RBX1: variants seen among roughly 807,000 people sequenced by gnomAD.
RBX1 encodes the protein ring-box 1.
For missense variants in RBX1, 46 were observed against 141.4 expected (o/e 0.33, Z 3.42); for synonymous variants, 48 against 47.9 (o/e 1.00, Z -0.01).
At chr22:40,954,417 C>T (rs1337621800) in intron 2 of RBX1, among the ~76,000 whole-genome samples, 1 of 152,068 alleles carries the variant, frequency 6.6e-6, no homozygotes, top group Non-Finnish European at 1.5e-5. Flanking sequence ...TAATTAATTG[C>T]ACTAAAGAAA....
intron 4 of RBX1, among the ~76,000 whole-genome samples, chr22:40,970,937 T>C (rs1025127761): frequency 6.6e-5 from 10 of 152,192 alleles, no homozygotes; most frequent in Non-Finnish European, 1.3e-4. Flanking sequence ...CAGCAAAATA[T>C]ATGCTAAGTA....
intron 3 of RBX1, chr22:40,967,123 C>A (rs2058356429): frequency 6.6e-6 from 1 of 152,194 alleles, no homozygotes; most frequent in African/African-American, 2.4e-5. Flanking sequence ...CATAAGAATA[C>A]TTCCTTTTAC....
Position 40,962,787 on chromosome 22 carries a change from G to A in RBX1, c.158-1260G>A, listed in dbSNP as rs532144914. ...GGCTCACTGCAAGCTCCGCCTCCTG[G>A]GTTCAAGCAATTCTCCTGCCTCAGC... On this transcript the variant is annotated intron_variant, in intron 2 of 4. Transcript: ENST00000216225. Among the ~76,000 whole-genome samples the A allele has an allele frequency of 2.0e-5, 3 of 151,580 alleles. No homozygotes were observed. The South Asian group carries it at 6.3e-4, about 32-fold the overall frequency.
chr22:40,957,415 G>A (rs757260150), intron 2 of RBX1, among the ~76,000 whole-genome samples: 80 of 152,020 alleles, frequency 5.3e-4, no homozygotes, highest in Admixed American at 1.4e-3. Flanking sequence ...GGTGGCTGAG[G>A]CGGGCAGATC....
rs776466696 is a variant in RBX1 at position 40,972,520 on chromosome 22, T to C, written c.*32T>C. On this transcript the variant is annotated 3_prime_UTR_variant, in exon 5 of 5. Coordinates refer to ENST00000216225, the MANE Select transcript of RBX1 (RefSeq NM_014248.4). ...ACTTCTTCCATCAAGCTTAATTGTT[T>C]TGTTATTCATTTAATGACTTTCCCT... 6.4e-6 allele frequency: 10 copies of C among 1,574,426 alleles called. No individual in the cohort carries two copies. In the East Asian group the frequency reaches 1.6e-4, roughly 25 times the overall value.
intron 4 of RBX1, among the ~76,000 whole-genome samples, chr22:40,972,193 T>A (rs760229050): frequency 5.3e-5 from 8 of 152,156 alleles, no homozygotes; most frequent in Non-Finnish European, 1.0e-4. Context: ...CTCACCTCCC[T>A]AATACCACCA....
Position 40,967,836 on chromosome 22 carries a change from A to G in RBX1, c.266A>G (p.Lys89Arg). Residue 89 changes from lysine to arginine, a missense_variant, in exon 4 of 5, where the codon AAA becomes AGA. Physicochemically the swap from Lys to Arg is conservative, Grantham distance 26. Coordinates refer to ENST00000216225, the MANE Select transcript of RBX1 (RefSeq NM_014248.4). ...TTCCACTGCATCTCTCGCTGGCTCA[A>G]AACACGACAGGTGTGTCCATTGGAC... ...FHFHCISRWL[K>R]TRQVCPLDNR... 1 of 1,614,046 alleles carries G rather than the reference A, an allele frequency of 6.2e-7. No individual in the cohort carries two copies. Among genetic ancestry groups the G allele is most frequent in the Non-Finnish European group, 8.5e-7 (1 of 1,179,922 alleles).
At position 40,972,539 on chromosome 22, in the gene RBX1, T is replaced by G. The variant is rs765220300; in HGVS notation, c.*51T>G. 3.2e-5 allele frequency: 47 copies of G among 1,474,878 alleles called. No homozygotes were observed. The Middle Eastern group carries it at 6.9e-4, about 22-fold the overall frequency. 91.4% of individuals were successfully genotyped at this position (1,474,878 alleles called of 1,614,324 possible). ...ATTGTTTTGTTATTCATTTAATGACTTTCCCTGCTGTTACCTAATTACAAA... is the reference window on the plus strand; with the variant it reads ...ATTGTTTTGTTATTCATTTAATGACGTTCCCTGCTGTTACCTAATTACAAA... On this transcript the variant is annotated 3_prime_UTR_variant, in exon 5 of 5. Coordinates refer to ENST00000216225, the MANE Select transcript of RBX1 (RefSeq NM_014248.4).
intron 2 of RBX1, among the ~76,000 whole-genome samples, chr22:40,954,762 G>A (rs563139715): frequency 6.6e-6 from 1 of 151,108 alleles, no homozygotes; most frequent in East Asian, 1.9e-4. Flanking sequence ...ACTGACCACG[G>A]TGGCCAAAGC....
intron 3 of RBX1, 156 bp from the exon 4 acceptor site, chr22:40,967,643 A>G: frequency 1.8e-6 from 1 of 569,108 alleles, no homozygotes; most frequent in African/African-American, 1.9e-5. Context: ...CATCTAACCA[A>G]GATATAATCA....
intron 2 of RBX1, 91 bp downstream of exon 2, chr22:40,953,724 A>C: frequency 1.2e-6 from 1 of 867,466 alleles, no homozygotes; most frequent in Non-Finnish European, 1.9e-6. Flanking sequence ...TCACACGAGG[A>C]GATAGCAAGC....
At chr22:40,962,151 G>A (rs368076907) in intron 2 of RBX1, among the ~76,000 whole-genome samples, 2 of 152,020 alleles carry the variant, frequency 1.3e-5, no homozygotes, top group East Asian at 1.9e-4. Context: ...CCAGGCTGGA[G>A]TACAGTGGTG....
chr22:40,969,367 A>G (rs942055708), intron 4 of RBX1, among the ~76,000 whole-genome samples: 3 of 152,228 alleles, frequency 2.0e-5, no homozygotes, highest in Non-Finnish European at 2.9e-5. Flanking sequence ...GATGCAAGCA[A>G]TGTGAAGGGA....
chr22:40,969,863 T>C (rs2058363945), intron 4 of RBX1, among the ~76,000 whole-genome samples: 1 of 149,306 alleles, frequency 6.7e-6, no homozygotes, highest in Non-Finnish European at 1.5e-5. Context: ...CACTCCAGTC[T>C]AAATGACAGA....
chr22:40,956,469 C>T lies in RBX1; in HGVS notation c.157+2836C>T, dbSNP rs141988990. On this transcript the variant is annotated intron_variant, in intron 2 of 4. Coordinates refer to ENST00000216225, the MANE Select transcript of RBX1 (RefSeq NM_014248.4). Reference sequence around the variant, plus strand: ...AGTTCAAGTGATTCTCCTGCGTCAGCCTCCCAAGTAGCTGGGACTACAGGT... The same window carrying T: ...AGTTCAAGTGATTCTCCTGCGTCAGTCTCCCAAGTAGCTGGGACTACAGGT... Among the ~76,000 whole-genome samples the T allele has an allele frequency of 6.3e-4, 95 of 150,914 alleles. 1 individual carries two copies. Among genetic ancestry groups the T allele is most frequent in the African/African-American group, 2.2e-3 (92 of 41,070 alleles).
At chr22:40,963,436 G>A (rs1439394600) in intron 2 of RBX1, among the ~76,000 whole-genome samples, 3 of 151,958 alleles carry the variant, frequency 2.0e-5, no homozygotes, top group Non-Finnish European at 4.4e-5. Flanking sequence ...AGGAGTTTGA[G>A]ACCAGCCTGG....
At chr22:40,957,493 C>T (rs991973597) in intron 2 of RBX1, among the ~76,000 whole-genome samples, 1 of 151,932 alleles carries the variant, frequency 6.6e-6, no homozygotes, top group Admixed American at 6.6e-5. Context: ...AAAAAATTAG[C>T]CAGGCATGGT....
intron 2 of RBX1, among the ~76,000 whole-genome samples, chr22:40,962,103 GT>G (rs1287791960): frequency 6.6e-6 from 1 of 151,552 alleles, no homozygotes; most frequent in African/African-American, 2.4e-5. Context: ...TTGTTTGTTT[GT>G]TTGTTTGTTT....
rs77585056 is a variant in RBX1, at chr22:40,955,840, A to G, written c.157+2207A>G. ...TGTTTATCTCTTCACACTACAGCCAAGGAAGATCAGCACCTACCATAATGT... is the reference window on the plus strand; with the variant it reads ...TGTTTATCTCTTCACACTACAGCCAGGGAAGATCAGCACCTACCATAATGT... On this transcript the variant is annotated intron_variant, in intron 2 of 4. Coordinates refer to ENST00000216225, the MANE Select transcript of RBX1 (RefSeq NM_014248.4). 8.8e-3 allele frequency among the ~76,000 whole-genome samples: 1,344 copies of G among 152,292 alleles called. 19 individuals carry two copies. The highest frequency in any genetic ancestry group is 0.031 in the African/African-American group (1,286 of 41,562).
Sources: gnomAD v4.1 joint callset for allele counts (sites outside exome capture counted in the v4.1 genomes callset) on GRCh38, gnomAD v4.1.1 for gene constraint, MANE v1.5 for transcripts, NCBI Gene and HGNC (gene_info 2026-07-23, HGNC 2026-07-21) for gene names.